Variants in RAPGEF6 observed in about 807,000 individuals in gnomAD.
RAPGEF6 encodes the protein Rap guanine nucleotide exchange factor 6.
RAPGEF6 carries 56 observed loss-of-function variants against 171.4 expected under a neutral mutation model. The observed-to-expected ratio is 0.33, with a 90% CI of 0.26 to 0.41. RAPGEF6 has a LOEUF of 0.41. RAPGEF6 is among the 10% of genes least tolerant of loss of function. The pLI is 1.00. For missense variants in RAPGEF6, 1,674 were observed against 1,921.4 expected (o/e 0.87, Z 2.41); for synonymous variants, 692 against 650.1 (o/e 1.06, Z -0.98).
At chr5:131,523,059 C>T (rs1171293423) in intron 6 of RAPGEF6, among the ~76,000 whole-genome samples, 5 of 152,000 alleles carry the variant, frequency 3.3e-5, no homozygotes, top group Non-Finnish European at 7.4e-5. Context: ...ATTGCTCAGC[C>T]CAATAAAACC....
At chr5:131,477,645 T>G (rs183877803) in intron 16 of RAPGEF6, among the ~76,000 whole-genome samples, 2 of 152,324 alleles carry the variant, frequency 1.3e-5, no homozygotes, top group Admixed American at 6.5e-5. Context: ...GATACTGATT[T>G]AGCTGCCTAA....
At chr5:131,467,876 C>T (rs1004714278) in intron 17 of RAPGEF6, among the ~76,000 whole-genome samples, 2 of 151,956 alleles carry the variant, frequency 1.3e-5, no homozygotes, top group Non-Finnish European at 2.9e-5. Context: ...ACAAAAATTA[C>T]AAATATTATC....
At chr5:131,492,817 ATGT>A (rs746271155) in intron 13 of RAPGEF6, 32 bp from the exon 14 acceptor site, 1 of 1,561,418 alleles carries the variant, frequency 6.4e-7, no homozygotes, top group Admixed American at 1.7e-5. Context: ...ATGTATATAA[ATGT>A]ATCTATTCCT....
intron 16 of RAPGEF6, among the ~76,000 whole-genome samples, chr5:131,478,846 C>T (rs1256662418): frequency 6.6e-6 from 1 of 152,110 alleles, no homozygotes; most frequent in African/African-American, 2.4e-5. Context: ...TTATTTCATT[C>T]ACTGATTATT....
intron 15 of RAPGEF6, among the ~76,000 whole-genome samples, chr5:131,485,476 A>T (rs1449811742): frequency 6.6e-6 from 1 of 152,202 alleles, no homozygotes; most frequent in Non-Finnish European, 1.5e-5. Flanking sequence ...ACTTTTCTCC[A>T]CAGGACAACT....
At chr5:131,519,235 G>A (rs1758309537) in intron 7 of RAPGEF6, among the ~76,000 whole-genome samples, 1 of 152,196 alleles carries the variant, frequency 6.6e-6, no homozygotes, top group African/African-American at 2.4e-5. Context: ...TCCTATAGGA[G>A]CTCCTGTAGT....
At chr5:131,512,661 C>G (rs974282990) in intron 7 of RAPGEF6, among the ~76,000 whole-genome samples, 1 of 152,130 alleles carries the variant, frequency 6.6e-6, no homozygotes, top group Admixed American at 6.5e-5. Flanking sequence ...ATTAGACAAG[C>G]TAGTTCTTAA....
intron 1 of RAPGEF6, among the ~76,000 whole-genome samples, chr5:131,618,661 T>C (rs1042747416): frequency 2.6e-5 from 4 of 152,082 alleles, no homozygotes; most frequent in African/African-American, 9.7e-5. Context: ...AAGAAAATTA[T>C]CACTTTGTAA....
chr5:131,579,500 T>C (rs1366115388), intron 4 of RAPGEF6, among the ~76,000 whole-genome samples: 5 of 152,228 alleles, frequency 3.3e-5, no homozygotes, highest in African/African-American at 7.2e-5. Flanking sequence ...GGGTGCTGAT[T>C]GGTGCGTTTA....
chr5:131,599,357 GA>G (rs1764090322), intron 3 of RAPGEF6, among the ~76,000 whole-genome samples: 1 of 151,772 alleles, frequency 6.6e-6, no homozygotes, highest in Admixed American at 6.6e-5. Context: ...ACAACAAAAC[GA>G]ACAAACAAAA....
At chr5:131,599,179 T>C (rs1048971285) in intron 3 of RAPGEF6, among the ~76,000 whole-genome samples, 5 of 152,014 alleles carry the variant, frequency 3.3e-5, no homozygotes, top group African/African-American at 9.7e-5. Context: ...ATACAAAAAG[T>C]AGCCGGGCAT....
intron 24 of RAPGEF6, 38 bp from the exon 25 acceptor site, chr5:131,433,696 AG>A (rs1561460859): frequency 1.4e-6 from 2 of 1,472,080 alleles, no homozygotes; most frequent in East Asian, 2.3e-5. Context: ...CTACAAAAAA[AG>A]GGAACATATG....
intron 27 of RAPGEF6, among the ~76,000 whole-genome samples, chr5:131,427,884 G>A (rs1167089907): frequency 6.6e-6 from 1 of 152,172 alleles, no homozygotes; most frequent in African/African-American, 2.4e-5. Context: ...GAGGCTGGCA[G>A]ATTGCTTGAG....
intron 21 of RAPGEF6, 116 bp from the exon 22 acceptor site, chr5:131,446,819 TA>T: frequency 1.0e-6 from 1 of 969,876 alleles, no homozygotes; most frequent in East Asian, 2.4e-5. Context: ...GTAAATGAGT[TA>T]AAAGATGAAG....
chr5:131,613,154 T>C (rs979440125), intron 1 of RAPGEF6, among the ~76,000 whole-genome samples: 4 of 152,216 alleles, frequency 2.6e-5, no homozygotes, highest in African/African-American at 4.8e-5. Flanking sequence ...CTCACGCCTA[T>C]AATCCCAGCA....
rs1754154681 is a variant in RAPGEF6, at chr5:131,464,205, T to C, written c.2316A>G (p.Thr772=). The C allele has an allele frequency of 6.2e-7, 1 of 1,613,890 alleles. No homozygotes were observed. Among genetic ancestry groups the C allele is most frequent in the Non-Finnish European group, 8.5e-7 (1 of 1,179,808 alleles). ...SCYIIISKDT[T]AKEVVFHAVH... Reference sequence around the variant, plus strand: ...CAGCATGAAAAACTACTTCTTTAGCTGTGGTGTCTTTACTGATGATAATGT... The same window carrying C: ...CAGCATGAAAAACTACTTCTTTAGCCGTGGTGTCTTTACTGATGATAATGT... The change falls in exon 18 of 28, where the codon ACA becomes ACG. Residue 772 remains threonine, a synonymous_variant. Coordinates refer to ENST00000509018, the MANE Select transcript of RAPGEF6 (RefSeq NM_016340.6).
chr5:131,528,143 C>CATATAAAATATATATTATATAATATATAT (rs1491163902), intron 6 of RAPGEF6, among the ~76,000 whole-genome samples: 7 of 115,066 alleles, frequency 6.1e-5, no homozygotes, highest in Admixed American at 2.1e-4. Flanking sequence ...ATAATATATA[C>CATATAAAATATATATTATATAATATATAT]TATATATAAT....
Position 131,521,524 on chromosome 5 carries a change from G to GAA in RAPGEF6, c.496-5_496-4dup. 4.7e-6 allele frequency: 7 copies of GAA among 1,489,320 alleles called. No individual in the cohort carries two copies. Among genetic ancestry groups the GAA allele is most frequent in the Admixed American group, 2.0e-5 (1 of 49,020 alleles). The allele number at this position is 1,489,320 out of a possible 1,614,324, so 92.3% of individuals were successfully genotyped here. ...ATCTTGGTAAGATCAGCTGGAAGCT[G>GAA]AAAAAAAAAATAATTTAAGTTATTC... On this transcript the variant is annotated splice_region_variant and splice_polypyrimidine_tract_variant and intron_variant, in intron 6 of 27. Coordinates refer to ENST00000509018, the MANE Select transcript of RAPGEF6 (RefSeq NM_016340.6).
At chr5:131,561,660 CAAAAAAAAA>C (rs35691525) in intron 5 of RAPGEF6, among the ~76,000 whole-genome samples, 4 of 90,906 alleles carry the variant, frequency 4.4e-5, no homozygotes, top group African/African-American at 1.3e-4. Context: ...AACTCTGTCT[CAAAAAAAAA>C]AAAAAAAAAA....
Sources: gnomAD v4.1 joint callset for allele counts (sites outside exome capture counted in the v4.1 genomes callset) on GRCh38, gnomAD v4.1.1 for gene constraint, MANE v1.5 for transcripts, NCBI Gene and HGNC (gene_info 2026-07-23, HGNC 2026-07-21) for gene names.